Variants in TBCK observed in about 807,000 individuals in gnomAD.
The protein encoded by TBCK is TBC domain-containing protein kinase-like protein.
TBCK carries 99 observed loss-of-function variants against 113.4 expected under a neutral mutation model. The ratio of observed to expected loss-of-function variants is 0.87; its 90% CI spans 0.74 to 1.03. The LOEUF is 1.03. Ranked by LOEUF, TBCK falls within the 50% of genes least tolerant of loss-of-function variation. The probability of loss-of-function intolerance (pLI) is 0.00; values close to 1 mark genes in which losing one functional copy is unlikely to be tolerated. For missense variants in TBCK, 1,045 were observed against 1,061.3 expected (o/e 0.98, Z 0.21); for synonymous variants, 369 against 370.8 (o/e 1.00, Z 0.05).
intron 25 of TBCK, among the ~76,000 whole-genome samples, chr4:106,090,599 A>G (rs6846579): frequency 0.28 from 42,665 of 151,888 alleles, 6,266 homozygotes; most frequent in Middle Eastern, 0.34. Context: ...TTTAAATATA[A>G]CTTTAAGTCT....
chr4:106,069,333 GA>G (rs1737077929), intron 25 of TBCK, among the ~76,000 whole-genome samples: 1 of 152,156 alleles, frequency 6.6e-6, no homozygotes, highest in African/African-American at 2.4e-5. Context: ...AAGGTGTAAG[GA>G]AGGGATCCAG....
intron 25 of TBCK, among the ~76,000 whole-genome samples, chr4:106,065,771 A>C (rs566685026): frequency 6.6e-6 from 1 of 152,156 alleles, no homozygotes; most frequent in South Asian, 2.1e-4. Flanking sequence ...TTAACCTTTA[A>C]GATAAAGTGA....
intron 19 of TBCK, among the ~76,000 whole-genome samples, chr4:106,228,977 G>T (rs550910108): frequency 1.3e-5 from 2 of 151,992 alleles, no homozygotes; most frequent in African/African-American, 2.4e-5. Flanking sequence ...GTTTTGACTT[G>T]AATTTCTCTG....
intron 19 of TBCK, 38 bp from the exon 20 acceptor site, chr4:106,212,873 A>G: frequency 7.9e-7 from 1 of 1,269,246 alleles, no homozygotes; most frequent in South Asian, 1.2e-5. Flanking sequence ...TCATTTTTAC[A>G]CAGTACTCCA....
At chr4:106,079,552 T>A (rs1206934586) in intron 25 of TBCK, among the ~76,000 whole-genome samples, 1 of 152,058 alleles carries the variant, frequency 6.6e-6, no homozygotes, top group East Asian at 1.9e-4. Context: ...AGGACATAAA[T>A]CCATTTACAA....
intron 3 of TBCK, among the ~76,000 whole-genome samples, chr4:106,286,480 G>C (rs1465550672): frequency 6.6e-6 from 1 of 152,122 alleles, no homozygotes; most frequent in Non-Finnish European, 1.5e-5. Context: ...TACTGGCAAA[G>C]CAATATTGAT....
At chr4:106,169,366 TAG>T (rs1222507411) in intron 23 of TBCK, among the ~76,000 whole-genome samples, 1 of 151,984 alleles carries the variant, frequency 6.6e-6, no homozygotes, top group Non-Finnish European at 1.5e-5. Context: ...TGAAAAAGAA[TAG>T]AGAGTTCAGA....
intron 15 of TBCK, among the ~76,000 whole-genome samples, chr4:106,234,994 A>G (rs1759288483): frequency 6.6e-6 from 1 of 152,130 alleles, no homozygotes; most frequent in South Asian, 2.1e-4. Context: ...ACTGATATAT[A>G]TTCTTAAAAT....
chr4:106,200,132 T>A (rs74349962), intron 20 of TBCK, among the ~76,000 whole-genome samples: 9,717 of 152,296 alleles, frequency 0.064, 363 homozygotes, highest in Non-Finnish European at 0.082. Context: ...TGCTTCCACA[T>A]CAGGGCTGTA....
chr4:106,188,391 T>C (rs1425015024), intron 22 of TBCK, among the ~76,000 whole-genome samples: 5 of 152,216 alleles, frequency 3.3e-5, no homozygotes, highest in Non-Finnish European at 7.3e-5. Context: ...AAATGCTCTA[T>C]ATATTTTGTT....
chr4:106,090,906 G>A (rs989802220), intron 25 of TBCK, among the ~76,000 whole-genome samples: 1 of 152,146 alleles, frequency 6.6e-6, no homozygotes, highest in Non-Finnish European at 1.5e-5. Flanking sequence ...CAGTCTCTAA[G>A]AAGTTTCAAA....
chr4:106,289,129 T>C (rs1046512102), intron 3 of TBCK, among the ~76,000 whole-genome samples: 1 of 152,190 alleles, frequency 6.6e-6, no homozygotes, highest in Non-Finnish European at 1.5e-5. Flanking sequence ...TCTACCCAGT[T>C]TAGAGCTATA....
At chr4:106,236,189 T>C (rs1759436911) in intron 14 of TBCK, among the ~76,000 whole-genome samples, 1 of 152,034 alleles carries the variant, frequency 6.6e-6, no homozygotes, top group South Asian at 2.1e-4. Flanking sequence ...ATTTTGCATA[T>C]GTTACCACAC....
At chr4:106,267,773 T>G (rs574585264) in intron 3 of TBCK, among the ~76,000 whole-genome samples, 2 of 152,138 alleles carry the variant, frequency 1.3e-5, no homozygotes, top group African/African-American at 4.8e-5. Flanking sequence ...TAATCCCAAG[T>G]ATATTTTTTT....
intron 23 of TBCK, among the ~76,000 whole-genome samples, chr4:106,156,573 T>G (rs994148223): frequency 2.0e-5 from 3 of 152,170 alleles, no homozygotes; most frequent in South Asian, 4.1e-4. Flanking sequence ...AAGCTGGCAC[T>G]CAAATCATGA....
intron 3 of TBCK, among the ~76,000 whole-genome samples, chr4:106,262,564 G>A (rs1762608749): frequency 6.6e-6 from 1 of 151,998 alleles, no homozygotes; most frequent in Admixed American, 6.6e-5. Flanking sequence ...GTATATGGCA[G>A]AACTAAGTCA....
chr4:106,227,727 A>T (rs1758391699), intron 19 of TBCK, among the ~76,000 whole-genome samples: 1 of 152,076 alleles, frequency 6.6e-6, no homozygotes, highest in African/African-American at 2.4e-5. Context: ...TCTGATAAGC[A>T]TCACAAAAAC....
intron 14 of TBCK, among the ~76,000 whole-genome samples, chr4:106,236,078 T>G (rs1278211120): frequency 1.3e-5 from 2 of 152,034 alleles, no homozygotes; most frequent in Non-Finnish European, 2.9e-5. Context: ...TGTATTTATA[T>G]TATGTACTCT....
chr4:106,161,369 C>G (rs1340728328), intron 23 of TBCK, among the ~76,000 whole-genome samples: 2 of 152,188 alleles, frequency 1.3e-5, no homozygotes, highest in African/African-American at 4.8e-5. Context: ...AACACAAAGG[C>G]TCAGGGCCTA....
Sources: allele counts gnomAD v4.1 joint callset (sites outside exome capture counted in the v4.1 genomes callset), GRCh38; gene constraint gnomAD v4.1.1; transcripts MANE v1.5; gene names NCBI Gene and HGNC (gene_info 2026-07-23, HGNC 2026-07-21).